Variants in SH3TC1 observed in about 807,000 individuals in gnomAD.
SH3TC1 encodes SH3 domain and tetratricopeptide repeats 1, also known as SH3 domain and tetratricopeptide repeat-containing protein 1.
In SH3TC1, 135 loss-of-function variants were observed where a neutral mutation model predicts 117.3. The observed-to-expected ratio is 1.15, with a 90% CI of 1.00 to 1.33. SH3TC1 has a LOEUF of 1.33. Ranked by LOEUF, SH3TC1 falls within the 40% of genes most tolerant of loss-of-function variation. The pLI is 0.00. For missense variants in SH3TC1, 2,092 were observed against 1,794.3 expected (o/e 1.17, Z -3.00); for synonymous variants, 898 against 816.9 (o/e 1.10, Z -1.69).
Position 8,236,543 on chromosome 4 carries a change from G to A in SH3TC1, c.3556+115G>A, listed in dbSNP as rs1350676211. 6 of 1,362,768 alleles carry A rather than the reference G, an allele frequency of 4.4e-6. No individual in the cohort carries two copies. In the African/African-American group the frequency reaches 6.1e-5, roughly 14 times the overall value. 84.4% of individuals were successfully genotyped at this position (1,362,768 alleles called of 1,614,324 possible). A position where few individuals can be genotyped will look rare whatever the true frequency, so the allele number is the denominator to read the frequency against. On this transcript the variant is annotated intron_variant, in intron 16 of 17. Transcript: ENST00000245105. Reference sequence around the variant, plus strand: ...CGGATTTTCCTGGTCTCCTGTCCAGGCAGGCACATCTGCCCAGCTGGCTCC... The same window carrying A: ...CGGATTTTCCTGGTCTCCTGTCCAGACAGGCACATCTGCCCAGCTGGCTCC...
In SH3TC1 at chr4:8,210,688, A is replaced by G. The variant is rs1718582202; in HGVS notation, c.247+866A>G. Among the ~76,000 whole-genome samples, 1 of 138,492 alleles carries G rather than the reference A, an allele frequency of 7.2e-6. No homozygotes were observed. Among genetic ancestry groups the G allele is most frequent in the African/African-American group, 2.7e-5 (1 of 37,362 alleles). 90.9% of individuals were successfully genotyped at this position (138,492 alleles called of 152,430 possible). A position where few individuals can be genotyped will look rare whatever the true frequency, so the allele number is the denominator to read the frequency against. ...TGAGGCAGAAGAATCACTTGAACCC[A>G]GGAGGCAGAGGTAGTGAGCCGAGAT... On this transcript the variant is annotated intron_variant, in intron 3 of 17. Transcript: ENST00000245105. This position sits in a 1 kb window ranked among gnomAD's most constrained non-coding sequence, Gnocchi z 4.1.
rs1158980304 is a variant in SH3TC1, at chr4:8,235,471, C to A, written c.3321C>A (p.Asn1107Lys). The part of the protein sequence containing the change: ...QNVALYTGDP[N>K]LGLELFEAAG... ...TGGCCCTGTACACAGGCGACCCCAA[C>A]CTGGGGCTGGAGCTGTTTGAGGCGG... Residue 1107 changes from asparagine (N) to lysine (K), a missense_variant, in exon 15 of 18, where the codon AAC becomes AAA. Physicochemically the swap from Asn to Lys is moderately conservative, Grantham distance 94. Transcript: ENST00000245105. 11 of 1,600,030 alleles carry A rather than the reference C, an allele frequency of 6.9e-6. No individual in the cohort carries two copies. Among genetic ancestry groups the A allele is most frequent in the Admixed American group, 1.7e-5 (1 of 58,134 alleles).
intron 1 of SH3TC1, among the ~76,000 whole-genome samples, chr4:8,191,629 G>A (rs1327434343): frequency 6.6e-6 from 1 of 152,200 alleles, no homozygotes; most frequent in Non-Finnish European, 1.5e-5. Context: ...GCTGGTACGG[G>A]GCTCCAGGCT....
Position 8,237,648 on chromosome 4 carries a change from ACAT to A in SH3TC1, c.3736_3738del (p.Ile1246del), listed in dbSNP as rs769472580. On this transcript the variant is annotated inframe_deletion, in exon 17 of 18. Coordinates refer to ENST00000245105, the MANE Select transcript of SH3TC1 (RefSeq NM_018986.5). ...GTGAAGGTGTACCTGGTGCTCGGTG[ACAT>A]CATCTTCTACGACCTGAAGGTGGGT... is the stretch of plus-strand genomic sequence containing the variant. The A allele has an allele frequency of 1.9e-6, 3 of 1,608,256 alleles. No individual in the cohort carries two copies. The highest frequency in any genetic ancestry group is 1.3e-5 in the African/African-American group (1 of 74,744).
chr4:8,198,818 C>T (rs1420252562), upstream of SH3TC1, among the ~76,000 whole-genome samples: 2 of 152,240 alleles, frequency 1.3e-5, no homozygotes, highest in African/African-American at 2.4e-5. Flanking sequence ...CGTTTGTGTG[C>T]ATACGTGTGC....
intron 3 of SH3TC1, among the ~76,000 whole-genome samples, chr4:8,212,330 GCAACC>G (rs912698461): frequency 6.6e-6 from 1 of 152,308 alleles, no homozygotes; most frequent in African/African-American, 2.4e-5. Flanking sequence ...TTCCAATGCA[GCAACC>G]CTCTGGGGCG....
At chr4:8,228,679 G>A (rs982197905) in intron 12 of SH3TC1, 35 bp downstream of exon 12, 4 of 1,414,306 alleles carry the variant, frequency 2.8e-6, no homozygotes, top group African/African-American at 2.9e-5. Flanking sequence ...TGCCTTCCGG[G>A]GCCACTCGGG....
intron 15 of SH3TC1, chr4:8,235,757 G>A: frequency 1.6e-6 from 1 of 615,328 alleles, no homozygotes; most frequent in South Asian, 3.7e-5. Context: ...ACACAGCAAT[G>A]GCCTTACCCT....
At chr4:8,199,739 C>G (rs1471775355) in intron 1 of SH3TC1, among the ~76,000 whole-genome samples, 1 of 152,226 alleles carries the variant, frequency 6.6e-6, no homozygotes, top group Non-Finnish European at 1.5e-5. Flanking sequence ...CAGAGCCAGC[C>G]TGTCGCTGGA....
Position 8,225,098 on chromosome 4 carries a change from C to G in SH3TC1, c.1244-77C>G, listed in dbSNP as rs372591042. 9 of 1,555,926 alleles carry G rather than the reference C, an allele frequency of 5.8e-6. No homozygotes were observed. In the Admixed American group the frequency reaches 1.4e-4, roughly 24 times the overall value. The stretch of plus-strand genomic sequence containing the variant: ...CAGCAATGCTCTCACCCTGCAACAT[C>G]GACACTAGCTCAACCTGGCAGGGGA... On this transcript the variant is annotated intron_variant, in intron 10 of 17. Transcript: ENST00000245105. The surrounding 1 kb of genome is among the most constrained non-coding windows in gnomAD (Gnocchi z 5.5).
At chr4:8,214,181 G>T in intron 4 of SH3TC1, among the ~76,000 whole-genome samples, 1 of 152,160 alleles carries the variant, frequency 6.6e-6, no homozygotes, top group South Asian at 2.1e-4. Flanking sequence ...CTGGTGTGTG[G>T]GGGATAAGGC....
At chr4:8,197,674 T>G (rs376747264), upstream of SH3TC1, among the ~76,000 whole-genome samples, 29 of 152,284 alleles carry the variant, frequency 1.9e-4, 1 homozygote, top group East Asian at 5.0e-3. Flanking sequence ...GCTGGGCCCC[T>G]AAGGGGCTTG....
intron 17 of SH3TC1, among the ~76,000 whole-genome samples, chr4:8,239,463 C>T (rs898727565): frequency 1.4e-4 from 21 of 150,458 alleles, no homozygotes; most frequent in Non-Finnish European, 1.9e-4. Flanking sequence ...CAGATGCACA[C>T]AGGCATATGC....
At position 8,186,517 on chromosome 4, in the gene SH3TC1, G is replaced by A. The variant is rs930941711; in HGVS notation, c.-57+4307G>A. ...AGGTCCACGTTGGTTTACTGAATGT[G>A]ACAGGTTACGCAGGTGTGAGATGGT... On this transcript the variant is annotated intron_variant, in intron 1 of 16. Coordinates refer to the SH3TC1 transcript ENST00000508641. This position sits in a 1 kb window ranked among gnomAD's most constrained non-coding sequence, Gnocchi z 5.2. 3.9e-5 allele frequency among the ~76,000 whole-genome samples: 6 copies of A among 152,238 alleles called. No individual in the cohort carries two copies. Among genetic ancestry groups the A allele is most frequent in the African/African-American group, 1.2e-4 (5 of 41,464 alleles).
chr4:8,198,398 G>C (rs1014943583), upstream of SH3TC1, among the ~76,000 whole-genome samples: 2 of 152,160 alleles, frequency 1.3e-5, no homozygotes, highest in African/African-American at 4.8e-5. Flanking sequence ...CCACTTCCTA[G>C]AGCTGGGCCG....
chr4:8,199,004 T>G (rs572361802), upstream of SH3TC1, among the ~76,000 whole-genome samples: 1 of 152,346 alleles, frequency 6.6e-6, no homozygotes, highest in East Asian at 1.9e-4. Context: ...CTGGCAGGGC[T>G]GAGGCAGCCG....
intron 2 of SH3TC1, among the ~76,000 whole-genome samples, chr4:8,207,730 G>A (rs1008053133): frequency 2.2e-4 from 34 of 152,092 alleles, no homozygotes; most frequent in African/African-American, 5.8e-4. Context: ...CTGTGTCTTC[G>A]TCACTTAGTG....
intron 1 of SH3TC1, among the ~76,000 whole-genome samples, chr4:8,193,711 G>C (rs984606536): frequency 4.6e-5 from 7 of 152,194 alleles, no homozygotes; most frequent in Non-Finnish European, 8.8e-5. Flanking sequence ...CTGAGATGGG[G>C]GTGCTGCCAT....
chr4:8,199,804 C>T (rs911626684), intron 1 of SH3TC1, among the ~76,000 whole-genome samples: 3 of 152,166 alleles, frequency 2.0e-5, no homozygotes, highest in South Asian at 2.1e-4. Context: ...GCTTGGGCCA[C>T]ACTACCAGAC....
Sources: allele counts gnomAD v4.1 joint callset (sites outside exome capture counted in the v4.1 genomes callset), GRCh38; gene constraint gnomAD v4.1.1; non-coding constraint Gnocchi (gnomAD v3.1); transcripts MANE v1.5; gene names NCBI Gene and HGNC (gene_info 2026-07-23, HGNC 2026-07-21).